ZDHHC8: variants seen among roughly 807,000 people sequenced by gnomAD.
ZDHHC8 encodes zDHHC palmitoyltransferase 8, also known as palmitoyltransferase ZDHHC8.
In ZDHHC8, 24 loss-of-function variants were observed where a neutral mutation model predicts 61.2. The observed-to-expected ratio is 0.39, with a 90% CI of 0.28 to 0.55. ZDHHC8 has a LOEUF of 0.55. ZDHHC8 is among the 20% of genes least tolerant of loss of function. The pLI is 0.60. For synonymous variants in ZDHHC8, 523 were observed against 492.5 expected, an observed-to-expected ratio of 1.06 and a Z score of -0.82; for missense variants, 935 against 1,102.1, an observed-to-expected ratio of 0.85 and a Z score of 2.15.
At chr22:20,140,477 G>T in intron 5 of ZDHHC8, 140 bp from the exon 6 acceptor site, 4 of 948,746 alleles carry the variant, frequency 4.2e-6, no homozygotes, top group Non-Finnish European at 4.6e-6. Flanking sequence ...CTATGTGAGG[G>T]GCAGCCCTGG....
At chr22:20,140,472 T>C (rs1201474817) in intron 5 of ZDHHC8, 145 bp from the exon 6 acceptor site, 1 of 927,684 alleles carries the variant, frequency 1.1e-6, no homozygotes, top group Non-Finnish European at 1.6e-6. Flanking sequence ...GTAACCTATG[T>C]GAGGGGCAGC....
At chr22:20,133,450 C>T (rs1039293041) in intron 1 of ZDHHC8, among the ~76,000 whole-genome samples, 38 of 152,090 alleles carry the variant, frequency 2.5e-4, no homozygotes, top group Non-Finnish European at 8.8e-5. Flanking sequence ...ATGTGTGGGC[C>T]GGGCGCGGTG....
rs560537198 is a variant in ZDHHC8 at position 20,140,110 on chromosome 22, G to A, written c.558-5G>A. The A allele has an allele frequency of 1.2e-6, 2 of 1,613,700 alleles. No homozygotes were observed. Among genetic ancestry groups the A allele is most frequent in the East Asian group, 4.5e-5 (2 of 44,888 alleles). On this transcript the variant is annotated splice_region_variant and splice_polypyrimidine_tract_variant and intron_variant, in intron 4 of 10. Coordinates refer to ENST00000334554, the MANE Select transcript of ZDHHC8 (RefSeq NM_013373.4). ...TGGCCTGCACCGTTGGCCTTAACGG[G>A]CTAGCATGGCTGTCATGTGTGTGGC...
Position 20,146,425 on chromosome 22 carries a change from A to G in ZDHHC8, c.*1025A>G. 1.0e-6 allele frequency: 1 copy of G among 984,276 alleles called. No individual in the cohort carries two copies. Among genetic ancestry groups the G allele is most frequent in the Non-Finnish European group, 1.2e-6 (1 of 828,782 alleles). 61.0% of individuals were successfully genotyped at this position (984,276 alleles called of 1,614,324 possible). On this transcript the variant is annotated 3_prime_UTR_variant, in exon 11 of 11. Transcript: ENST00000334554. ...TTTTTATATCTACATCTATATATCT[A>G]TAATTTTATTAAAAAAAAGAAAAAG...
In ZDHHC8 at chr22:20,146,387, T is replaced by C; in HGVS notation, c.*987T>C. ...CACATGACAGCGTCTGCTTGCGTTG[T>C]GTCTGTTTTATGTTTTTATATCTAC... On this transcript the variant is annotated 3_prime_UTR_variant, in exon 11 of 11. Transcript: ENST00000334554. 1.0e-6 allele frequency: 1 copy of C among 985,692 alleles called. No individual in the cohort carries two copies. Among genetic ancestry groups the C allele is most frequent in the Non-Finnish European group, 1.2e-6 (1 of 829,948 alleles). 61.1% of individuals were successfully genotyped at this position (985,692 alleles called of 1,614,324 possible).
chr22:20,140,158 A>G lies in ZDHHC8; in HGVS notation c.601A>G (p.Ile201Val), dbSNP rs2050455477. 3 of 1,613,338 alleles carry G rather than the reference A, an allele frequency of 1.9e-6. No homozygotes were observed. The highest frequency in any genetic ancestry group is 2.5e-6 in the Non-Finnish European group (3 of 1,179,986). The change falls in exon 5 of 11, where the codon ATT (isoleucine) becomes GTT (valine). Residue 201 changes from isoleucine to valine, a missense_variant. Coordinates refer to ENST00000334554, the MANE Select transcript of ZDHHC8 (RefSeq NM_013373.4). ...CVAGLFFIPV[I>V]GLTGFHVVLV... ...GGCCGGCCTCTTCTTCATCCCTGTC[A>G]TTGGCCTCACTGGCTTCCATGTGGT...
intron 1 of ZDHHC8, among the ~76,000 whole-genome samples, chr22:20,134,634 C>A (rs540129479): frequency 9.2e-5 from 14 of 152,384 alleles, no homozygotes; most frequent in Non-Finnish European, 2.1e-4. Flanking sequence ...CCCCAGCCCC[C>A]TCTCTGCACT....
intron 10 of ZDHHC8, among the ~76,000 whole-genome samples, chr22:20,143,998 G>T (rs1179887436): frequency 6.6e-6 from 1 of 152,194 alleles, no homozygotes; most frequent in African/African-American, 2.4e-5. Flanking sequence ...TCCTGAGCCC[G>T]ACGACTCGTT....
chr22:20,140,758 G>A, intron 6 of ZDHHC8, 50 bp downstream of exon 6: 1 of 1,596,476 alleles, frequency 6.3e-7, no homozygotes, highest in Non-Finnish European at 8.5e-7. Context: ...TGGGTGTGGG[G>A]CGGGCAGCCT....
intron 1 of ZDHHC8, among the ~76,000 whole-genome samples, chr22:20,132,591 A>T (rs1489743702): frequency 2.6e-5 from 4 of 152,184 alleles, no homozygotes; most frequent in Admixed American, 6.5e-5. Context: ...CCTCCTTCTC[A>T]GGAAGACCCA....
At position 20,146,382 on chromosome 22, in the gene ZDHHC8, C is replaced by T. The variant is rs556191749; in HGVS notation, c.*982C>T. 1.3e-5 allele frequency: 13 copies of T among 985,512 alleles called. No individual in the cohort carries two copies. Among genetic ancestry groups the T allele is most frequent in the East Asian group, 2.3e-4 (2 of 8,806 alleles). 61.0% of individuals were successfully genotyped at this position (985,512 alleles called of 1,614,324 possible). ...GTAAGCACATGACAGCGTCTGCTTG[C>T]GTTGTGTCTGTTTTATGTTTTTATA... On this transcript the variant is annotated 3_prime_UTR_variant, in exon 11 of 11. Transcript: ENST00000334554.
Position 20,145,786 on chromosome 22 carries a change from T to C in ZDHHC8, c.*386T>C. ...CCCCAATGGTCCCCTTACGGACAGG[T>C]CCCAGAGATGGACAGAGGCACCCAG... is the stretch of plus-strand genomic sequence containing the variant. On this transcript the variant is annotated 3_prime_UTR_variant, in exon 11 of 11. Coordinates refer to ENST00000334554, the MANE Select transcript of ZDHHC8 (RefSeq NM_013373.4). The C allele has an allele frequency of 6.1e-6, 6 of 991,176 alleles. No individual in the cohort carries two copies. Among genetic ancestry groups the C allele is most frequent in the Non-Finnish European group, 7.2e-6 (6 of 833,990 alleles). 61.4% of individuals were successfully genotyped at this position (991,176 alleles called of 1,614,324 possible). A position where few individuals can be genotyped will look rare whatever the true frequency, so the allele number is the denominator to read the frequency against.
At chr22:20,134,856 C>A (rs564405507) in intron 1 of ZDHHC8, among the ~76,000 whole-genome samples, 1 of 152,258 alleles carries the variant, frequency 6.6e-6, no homozygotes, top group East Asian at 1.9e-4. Context: ...TGAAGAGCAC[C>A]CTCTCAGGAT....
chr22:20,145,402 G>A lies in ZDHHC8; in HGVS notation c.*2G>A. ...ACCACCTACGAGATCTCGGTGTGAG[G>A]ACTGACTGCCACACATCCGCCATGG... On this transcript the variant is annotated 3_prime_UTR_variant, in exon 11 of 11. Coordinates refer to ENST00000334554, the MANE Select transcript of ZDHHC8 (RefSeq NM_013373.4). The A allele has an allele frequency of 2.0e-6, 3 of 1,526,132 alleles. No individual in the cohort carries two copies. Among genetic ancestry groups the A allele is most frequent in the Admixed American group, 4.1e-5 (2 of 48,226 alleles). The allele number at this position is 1,526,132 out of a possible 1,614,324, so 94.5% of individuals were successfully genotyped here.
chr22:20,143,237 C>T lies in ZDHHC8; in HGVS notation c.1607C>T (p.Pro536Leu). 5 of 1,607,002 alleles carry T rather than the reference C, an allele frequency of 3.1e-6. No individual in the cohort carries two copies. Among genetic ancestry groups the T allele is most frequent in the African/African-American group, 1.3e-5 (1 of 75,050 alleles). Residue 536 changes from proline (P) to leucine (L), a missense_variant, in exon 10 of 11, where the codon CCC becomes CTC. Around this residue, in one of 3 missense-constraint regions of ZDHHC8, gnomAD observed 692 missense variants for 731.4 expected, o/e 0.95. Coordinates refer to ENST00000334554, the MANE Select transcript of ZDHHC8 (RefSeq NM_013373.4). ...SPVLGPRPRE[P>L]SPVRYDNLSR... Reference sequence around the variant, plus strand: ...GTGCTGGGCCCCCGCCCCCGGGAGCCCTCGCCTGTGCGCTACGACAACCTG... The same window carrying T: ...GTGCTGGGCCCCCGCCCCCGGGAGCTCTCGCCTGTGCGCTACGACAACCTG...
Position 20,142,827 on chromosome 22 carries a change from C to T in ZDHHC8, c.1197C>T (p.Ser399=). 1 of 1,612,734 alleles carries T rather than the reference C, an allele frequency of 6.2e-7. No individual in the cohort carries two copies. The highest frequency in any genetic ancestry group is 8.5e-7 in the Non-Finnish European group (1 of 1,179,960). The change falls in exon 10 of 11, where the codon AGC becomes AGT. Residue 399 remains serine (S), a synonymous_variant. Transcript: ENST00000334554. ...IRSLDFVSEP[S]LDLPDYGPGG... is the part of the protein sequence containing the mutation. Reference sequence around the variant, plus strand: ...GCCTGGACTTTGTGTCCGAGCCGAGCCTGGACCTCCCTGACTATGGGCCAG... The same window carrying T: ...GCCTGGACTTTGTGTCCGAGCCGAGTCTGGACCTCCCTGACTATGGGCCAG...
chr22:20,141,601 C>A lies in ZDHHC8; in HGVS notation c.1125+71C>A, dbSNP rs562604084. The A allele has an allele frequency of 2.5e-5, 34 of 1,334,078 alleles. No homozygotes were observed. The East Asian group carries it at 8.3e-4, about 33-fold the overall frequency. 82.6% of individuals were successfully genotyped at this position (1,334,078 alleles called of 1,614,324 possible). Reference sequence around the variant, plus strand: ...CCGCCTCTAGGAGCTCGCCCCACAGCCTTCACCCCGTGAAGGCCCCACCTC... The same window carrying A: ...CCGCCTCTAGGAGCTCGCCCCACAGACTTCACCCCGTGAAGGCCCCACCTC... On this transcript the variant is annotated intron_variant, in intron 9 of 10. Transcript: ENST00000334554.
intron 1 of ZDHHC8, among the ~76,000 whole-genome samples, chr22:20,137,823 G>A (rs970355818): frequency 6.6e-6 from 1 of 152,216 alleles, no homozygotes; most frequent in Non-Finnish European, 1.5e-5. Context: ...GGGCTGGGGA[G>A]GGTGGAAGGA....
At chr22:20,134,581 G>A (rs1467869864) in intron 1 of ZDHHC8, among the ~76,000 whole-genome samples, 7 of 152,238 alleles carry the variant, frequency 4.6e-5, no homozygotes, top group South Asian at 2.1e-4. Flanking sequence ...CAGGGTTCCC[G>A]ACTTCACTGT....
Sources: gnomAD v4.1 joint callset for allele counts (sites outside exome capture counted in the v4.1 genomes callset) on GRCh38, gnomAD v4.1.1 for gene constraint, gnomAD v4.1.1 regional missense constraint, MANE v1.5 for transcripts, NCBI Gene and HGNC (gene_info 2026-07-23, HGNC 2026-07-21) for gene names.